The following P3H3 variants were observed in gnomAD, a reference collection of about 807,000 sequenced individuals.
P3H3 encodes the protein gene rich cluster, B.
A neutral mutation model predicts 78.1 loss-of-function variants in P3H3; 64 were observed. That is an observed-to-expected ratio of 0.82 (90% confidence interval 0.67 to 1.01). The LOEUF (loss-of-function observed/expected upper bound fraction) is 1.01, where lower values mean the gene tolerates loss of function less well. Ranked by LOEUF, P3H3 falls within the 50% of genes least tolerant of loss-of-function variation. P3H3 has a pLI of 0.00. For synonymous variants in P3H3, 425 were observed against 416.7 expected (o/e 1.02, Z -0.24); for missense variants, 975 against 982.2 (o/e 0.99, Z 0.10).
Position 6,830,368 on chromosome 12 carries a change from G to A in P3H3, c.667G>A (p.Gly223Ser), listed in dbSNP as rs782674992. 2 of 1,582,556 alleles carry A rather than the reference G, an allele frequency of 1.3e-6. No homozygotes were observed. The highest frequency in any genetic ancestry group is 2.3e-5 in the East Asian group (1 of 43,234). Reference sequence around the variant, plus strand: ...TCCCCAACAGGCAGCCTATGACACTGGCCTGGAGCTACTGGGGCGCCAGGA... The same window carrying A: ...TCCCCAACAGGCAGCCTATGACACTAGCCTGGAGCTACTGGGGCGCCAGGA... The part of the protein sequence containing the change: ...TPPHWAAYDT[G>S]LELLGRQEAG... The change falls in exon 3 of 15, where the codon GGC (glycine) becomes AGC (serine). Residue 223 changes from glycine (G) to serine (S), a missense_variant. Physicochemically the swap from Gly to Ser is moderately conservative, Grantham distance 56 (BLOSUM62 0). Transcript: ENST00000290510.
chr12:6,839,033 G>T lies in P3H3; in HGVS notation c.1939G>T (p.Ala647Ser). The stretch of plus-strand genomic sequence containing the variant: ...GCGTCCTCGCTGTGGGCGCCTTGTG[G>T]CCTTCAGCTCCGGTGTCGAGAATCC... ...RVRPRCGRLVAFSSGVENPHG... is the reference protein window; with the variant it reads ...RVRPRCGRLVSFSSGVENPHG... The change falls in exon 14 of 15, where the codon GCC (alanine) becomes TCC (serine). Residue 647 changes from alanine to serine, a missense_variant. Transcript: ENST00000290510. 6.2e-7 allele frequency: 1 copy of T among 1,611,090 alleles called. No homozygotes were observed.
At position 6,831,952 on chromosome 12, in the gene P3H3, A is replaced by C. The variant is rs782169913; in HGVS notation, c.1212+38A>C. 8.3e-7 allele frequency: 1 copy of C among 1,204,378 alleles called. No individual in the cohort carries two copies. Among genetic ancestry groups the C allele is most frequent in the African/African-American group, 1.5e-5 (1 of 66,490 alleles). 74.6% of individuals were successfully genotyped at this position (1,204,378 alleles called of 1,614,324 possible). The stretch of plus-strand genomic sequence containing the variant: ...ACTTCTGCCCATCTCACCCCTCCGC[A>C]CTCCCAGGAGGGATGGCACTTTGGT... On this transcript the variant is annotated intron_variant, in intron 6 of 14. Transcript: ENST00000290510. This position sits in a 1 kb window ranked among gnomAD's most constrained non-coding sequence, Gnocchi z 4.6.
intron 6 of P3H3, among the ~76,000 whole-genome samples, chr12:6,833,129 C>A (rs1171208335): frequency 6.6e-6 from 1 of 151,952 alleles, no homozygotes; most frequent in Non-Finnish European, 1.5e-5. Context: ...GAGCTGAGAT[C>A]GCGCCATAGC....
chr12:6,832,474 G>A (rs1193823111), intron 6 of P3H3, among the ~76,000 whole-genome samples: 3 of 152,176 alleles, frequency 2.0e-5, no homozygotes, highest in African/African-American at 7.2e-5. Flanking sequence ...GAGATCAATA[G>A]CACATTGACA....
In P3H3 at chr12:6,839,389, G is replaced by A. The variant is rs782404671; in HGVS notation, c.2139G>A (p.Glu713=). 1.3e-6 allele frequency: 2 copies of A among 1,552,430 alleles called. No individual in the cohort carries two copies. The highest frequency in any genetic ancestry group is 2.4e-5 in the South Asian group (2 of 84,144). ...TGCCCAGCAAAGACCCTTCCCCAGAGCCCCCTAGCCGCAGGCACCAGAGGG... is the reference window on the plus strand; with the variant it reads ...TGCCCAGCAAAGACCCTTCCCCAGAACCCCCTAGCCGCAGGCACCAGAGGG... ...EEMPSKDPSP[E]PPSRRHQRVQ... The change falls in exon 15 of 15, where the codon GAG becomes GAA. Residue 713 remains glutamate (E), a synonymous_variant. Coordinates refer to ENST00000290510, the MANE Select transcript of P3H3 (RefSeq NM_014262.5).
Position 6,831,152 on chromosome 12 carries a change from C to G in P3H3, c.986-64C>G. The G allele has an allele frequency of 6.2e-7, 1 of 1,604,554 alleles. No homozygotes were observed. On this transcript the variant is annotated intron_variant, in intron 4 of 14. Transcript: ENST00000290510. The surrounding 1 kb of genome is among the most constrained non-coding windows in gnomAD (Gnocchi z 4.6). ...CCACCTTCTCCAGCACTGCCTCTGC[C>G]CCAAGGATCAATGTGCTCTAAGTAT...
chr12:6,836,565 G>A (rs374339693), intron 9 of P3H3, among the ~76,000 whole-genome samples: 60 of 152,186 alleles, frequency 3.9e-4, no homozygotes, highest in Non-Finnish European at 7.3e-4. Context: ...CCTACCGCCA[G>A]TCTGGCCTAA....
Position 6,829,935 on chromosome 12 carries a change from AG to A in P3H3, c.577del (p.Asp193ThrfsTer47). The A allele has an allele frequency of 6.2e-7, 1 of 1,613,990 alleles. No individual in the cohort carries two copies. The highest frequency in any genetic ancestry group is 2.2e-5 in the East Asian group (1 of 44,868). ...VANPMHLQMREDMAKYRRMSG... is the reference protein window; with the variant it reads ...VANPMHLQMRXDMAKYRRMSG... ...AACCCCATGCACCTGCAGATGCGGG[AG>A]GACATGGCTAAGTACAGACGAATGT... On this transcript the variant is annotated frameshift_variant, in exon 2 of 15. Transcript: ENST00000290510. LOFTEE classifies it high-confidence loss of function. The surrounding 1 kb of genome is among the most constrained non-coding windows in gnomAD (Gnocchi z 5.1).
rs183626466 is a variant in P3H3 at position 6,834,158 on chromosome 12, C to T, written c.1458+109C>T. The T allele has an allele frequency of 5.9e-5, 90 of 1,515,782 alleles. No individual in the cohort carries two copies. In the African/African-American group the frequency reaches 9.1e-4, roughly 15 times the overall value. The allele number at this position is 1,515,782 out of a possible 1,614,324, so 93.9% of individuals were successfully genotyped here. On this transcript the variant is annotated intron_variant, in intron 9 of 14. Coordinates refer to ENST00000290510, the MANE Select transcript of P3H3 (RefSeq NM_014262.5). Reference sequence around the variant, plus strand: ...ATTCTGCCTGTCCTGATTATCCAACCGGGACTGTGCTTACCACTGCCTCTC... The same window carrying T: ...ATTCTGCCTGTCCTGATTATCCAACTGGGACTGTGCTTACCACTGCCTCTC...
intron 10 of P3H3, 117 bp downstream of exon 10, chr12:6,837,203 A>G (rs1591582395): frequency 2.0e-6 from 2 of 991,154 alleles, no homozygotes; most frequent in Non-Finnish European, 3.0e-6. Flanking sequence ...GACCGAGACT[A>G]CCTGATAGGA....
intron 9 of P3H3, among the ~76,000 whole-genome samples, chr12:6,834,319 A>G (rs1943476350): frequency 6.6e-6 from 1 of 152,228 alleles, no homozygotes; most frequent in African/African-American, 2.4e-5. Context: ...GTGTGCAGGT[A>G]AGGATTGCTT....
rs1184602967 is a variant in P3H3, at chr12:6,830,469, C to T, written c.768C>T (p.Asp256=). The change falls in exon 3 of 15, where the codon GAC becomes GAT. Residue 256 remains aspartate (D), a synonymous_variant. Transcript: ENST00000290510. ...SLAQMESCRA[D]CEGPEEQQGA... ...CCCAGATGGAGAGCTGCCGTGCTGA[C>T]TGTGAGGGGCCTGAGGAGCAGCAGG... 92 of 1,588,298 alleles carry T rather than the reference C, an allele frequency of 5.8e-5. No individual in the cohort carries two copies. Among genetic ancestry groups the T allele is most frequent in the Non-Finnish European group, 7.7e-5 (90 of 1,168,370 alleles).
intron 13 of P3H3, 38 bp from the exon 14 acceptor site, chr12:6,838,962 G>A (rs1555122608): frequency 6.5e-7 from 1 of 1,530,754 alleles, no homozygotes. Flanking sequence ...CTCTGAGAGA[G>A]CCAATCCCTG....
rs1386410109 is a variant in P3H3 at position 6,830,088 on chromosome 12, G to A, written c.651+77G>A. ...ATACACAGGCCTCACTAAACTGTGC[G>A]TTGTGCTGCTTGAGCATACAGATGG... On this transcript the variant is annotated intron_variant, in intron 2 of 14. Transcript: ENST00000290510. 2.0e-5 allele frequency: 31 copies of A among 1,564,664 alleles called. No individual in the cohort carries two copies. The Admixed American group carries it at 3.9e-4, about 20-fold the overall frequency.
chr12:6,832,203 T>A (rs1943456890), intron 6 of P3H3, among the ~76,000 whole-genome samples: 1 of 152,238 alleles, frequency 6.6e-6, no homozygotes, highest in Admixed American at 6.5e-5. Context: ...ACAGGGCTGT[T>A]GAAACCACAT....
chr12:6,829,932 G>C lies in P3H3; in HGVS notation c.572G>C (p.Arg191Pro), dbSNP rs782150665. 45 of 1,613,860 alleles carry C rather than the reference G, an allele frequency of 2.8e-5. No homozygotes were observed. The Admixed American group carries it at 5.0e-4, about 18-fold the overall frequency. Residue 191 changes from arginine to proline, a missense_variant, in exon 2 of 15, where the codon CGG becomes CCG. Arg to Pro is a moderately radical substitution (Grantham distance 103). Transcript: ENST00000290510. This position sits in a 1 kb window ranked among gnomAD's most constrained non-coding sequence, Gnocchi z 5.1. ...FVANPMHLQM[R>P]EDMAKYRRMS... ...GCAAACCCCATGCACCTGCAGATGC[G>C]GGAGGACATGGCTAAGTACAGACGA...
In P3H3 at chr12:6,837,523, G is replaced by A. The variant is rs200196782; in HGVS notation, c.1661G>A (p.Arg554Gln). The change falls in exon 11 of 15, where the codon CGG (arginine) becomes CAG (glutamine). Residue 554 changes from arginine (R) to glutamine (Q), a missense_variant. Arg to Gln is a conservative substitution (Grantham distance 43). Coordinates refer to ENST00000290510, the MANE Select transcript of P3H3 (RefSeq NM_014262.5). ...TLTQAYFSPE[R>Q]PLHLSFTHLV... ...ACCCAGGCCTACTTCTCCCCGGAAC[G>A]GCCCCTGCATCTGTCCTTCACCCAC... The A allele has an allele frequency of 6.2e-5, 100 of 1,612,034 alleles. No homozygotes were observed. Among genetic ancestry groups the A allele is most frequent in the Non-Finnish European group, 3.1e-5 (37 of 1,179,222 alleles).
At position 6,829,636 on chromosome 12, in the gene P3H3, T is replaced by G; in HGVS notation, c.499-223T>G. On this transcript the variant is annotated intron_variant, in intron 1 of 14. Coordinates refer to ENST00000290510, the MANE Select transcript of P3H3 (RefSeq NM_014262.5). The surrounding 1 kb of genome is among the most constrained non-coding windows in gnomAD (Gnocchi z 5.1). ...CCATGTCCCACCCAACTCCGACGTC[T>G]TTAGATCCCCTTTCCCTCGGTGCCA... is the stretch of plus-strand genomic sequence containing the variant. 1 of 567,434 alleles carries G rather than the reference T, an allele frequency of 1.8e-6. No individual in the cohort carries two copies. The allele number at this position is 567,434 out of a possible 1,614,324, so 35.1% of individuals were successfully genotyped here. A position where few individuals can be genotyped will look rare whatever the true frequency, so the allele number is the denominator to read the frequency against.
intron 4 of P3H3, 197 bp downstream of exon 4, chr12:6,830,967 T>C: frequency 1.2e-6 from 1 of 860,102 alleles, no homozygotes; most frequent in South Asian, 1.4e-5. Context: ...GGCTTCCTTC[T>C]GCCTTGCTGC....
Sources: gnomAD v4.1 joint callset for allele counts (sites outside exome capture counted in the v4.1 genomes callset) on GRCh38, gnomAD v4.1.1 for gene constraint, Gnocchi (gnomAD v3.1) non-coding constraint, MANE v1.5 for transcripts, NCBI Gene and HGNC (gene_info 2026-07-23, HGNC 2026-07-21) for gene names.